The following CDH23 variants were observed in gnomAD, a reference collection of about 807,000 sequenced individuals.
CDH23 encodes the protein cadherin related 23, also known as cadherin-23.
Under a neutral mutation model 317.1 loss-of-function variants are expected in CDH23, and 189 were observed. The ratio of observed to expected loss-of-function variants is 0.60; its 90% CI spans 0.53 to 0.67. The LOEUF (loss-of-function observed/expected upper bound fraction) is 0.67. CDH23 is among the 30% of genes least tolerant of loss of function. The pLI is 0.00. For missense variants in CDH23, 4,401 were observed against 4,592.4 expected (o/e 0.96, Z 1.20); for synonymous variants, 1,839 against 1,876.8 (o/e 0.98, Z 0.52).
At chr10:71,725,275 G>A in intron 29 of CDH23, 97 bp from the exon 30 acceptor site, 1 of 1,566,288 alleles carries the variant, frequency 6.4e-7, no homozygotes. Flanking sequence ...TCACAAGGAG[G>A]GGACTGGTGA....
At chr10:71,556,210 C>A (rs777461438) in intron 6 of CDH23, among the ~76,000 whole-genome samples, 1 of 152,036 alleles carries the variant, frequency 6.6e-6, no homozygotes, top group Non-Finnish European at 1.5e-5. Context: ...GGAGACTTTG[C>A]CTTGGAGCAG....
At chr10:71,475,956 G>A (rs1354070939) in intron 3 of CDH23, among the ~76,000 whole-genome samples, 2 of 152,216 alleles carry the variant, frequency 1.3e-5, no homozygotes, top group Non-Finnish European at 2.9e-5. Flanking sequence ...CTGGGCCTCA[G>A]TTTCCACTCT....
intron 7 of CDH23, 89 bp from the exon 8 acceptor site, chr10:71,570,701 G>T (rs148524176): frequency 5.5e-6 from 8 of 1,453,094 alleles, no homozygotes; most frequent in Admixed American, 2.1e-5. Context: ...TGTGCTGCAC[G>T]GTGCAGGTCT....
intron 9 of CDH23, among the ~76,000 whole-genome samples, chr10:71,585,267 G>A (rs992347963): frequency 1.3e-5 from 2 of 152,168 alleles, no homozygotes; most frequent in Non-Finnish European, 2.9e-5. Context: ...TGGTGGCCTA[G>A]GCAGAAAGGG....
chr10:71,791,195 A>C lies in CDH23; in HGVS notation c.6113A>C (p.Glu2038Ala). The change falls in exon 47 of 70, where the codon GAG becomes GCG. Residue 2038 changes from glutamate to alanine, a missense_variant. By Grantham distance (107) the Glu-to-Ala change is moderately radical (BLOSUM62 -1). Coordinates refer to ENST00000224721, the MANE Select transcript of CDH23 (RefSeq NM_022124.6). ...GAGGCATTCTCGCCACCCATCCTGG[A>C]GCTGCTGCTGCTGGCTGAGGACATC... ...DREAFSPPIL[E>A]LLLLAEDIGL... The C allele has an allele frequency of 6.2e-7, 1 of 1,612,308 alleles. No individual in the cohort carries two copies. The highest frequency in any genetic ancestry group is 8.5e-7 in the Non-Finnish European group (1 of 1,178,800).
At chr10:71,587,116 G>A (rs1859126654) in intron 9 of CDH23, among the ~76,000 whole-genome samples, 1 of 152,242 alleles carries the variant, frequency 6.6e-6, no homozygotes, top group Non-Finnish European at 1.5e-5. Flanking sequence ...AACAGATGAG[G>A]AAGCTAAGAC....
At chr10:71,532,753 G>A (rs1855473774) in intron 6 of CDH23, among the ~76,000 whole-genome samples, 1 of 133,510 alleles carries the variant, frequency 7.5e-6, no homozygotes, top group African/African-American at 2.8e-5. Flanking sequence ...TTTTTGAGAC[G>A]GAGTATCACT....
intron 38 of CDH23, among the ~76,000 whole-genome samples, chr10:71,777,130 C>T (rs561223428): frequency 6.5e-4 from 99 of 152,320 alleles, no homozygotes; most frequent in Non-Finnish European, 1.1e-3. Context: ...GTTCTGCCCA[C>T]GAAATTGCCA....
At chr10:71,646,994 G>A in intron 14 of CDH23, 6 of 985,336 alleles carry the variant, frequency 6.1e-6, no homozygotes, top group Non-Finnish European at 7.2e-6. Context: ...AGGCACCAGA[G>A]AGGGGCAGGC....
intron 3 of CDH23, among the ~76,000 whole-genome samples, chr10:71,465,265 G>A (rs572556567): frequency 6.6e-6 from 1 of 152,240 alleles, no homozygotes; most frequent in Non-Finnish European, 1.5e-5. Flanking sequence ...CTGGTATAGA[G>A]TTGTATTTTA....
chr10:71,802,017 C>T (rs377051035), intron 53 of CDH23, among the ~76,000 whole-genome samples: 7 of 152,218 alleles, frequency 4.6e-5, no homozygotes, highest in East Asian at 3.8e-4. Context: ...TTTAAAGTCA[C>T]GGCTGCTGGC....
intron 11 of CDH23, among the ~76,000 whole-genome samples, chr10:71,642,795 C>G (rs1862624327): frequency 6.6e-6 from 1 of 152,128 alleles, no homozygotes; most frequent in Non-Finnish European, 1.5e-5. Flanking sequence ...ACTGGAGGGG[C>G]TGGAGGGGCC....
intron 14 of CDH23, among the ~76,000 whole-genome samples, chr10:71,667,882 A>G (rs1189126153): frequency 6.6e-6 from 1 of 152,058 alleles, no homozygotes; most frequent in African/African-American, 2.4e-5. Context: ...AATGCACAAG[A>G]TGAAGGGGGA....
At chr10:71,462,287 G>A (rs1376313642) in intron 3 of CDH23, among the ~76,000 whole-genome samples, 3 of 152,210 alleles carry the variant, frequency 2.0e-5, no homozygotes, top group Non-Finnish European at 4.4e-5. Context: ...TACTCCTGAC[G>A]GCCTTCATTA....
chr10:71,416,757 TC>T (rs1848551284), intron 1 of CDH23, among the ~76,000 whole-genome samples: 1 of 152,064 alleles, frequency 6.6e-6, no homozygotes, highest in African/African-American at 2.4e-5. Flanking sequence ...AACCTTGAAC[TC>T]CTGGGCTCAA....
At chr10:71,508,448 C>G (rs1853765719) in intron 3 of CDH23, 1 of 152,178 alleles carries the variant, frequency 6.6e-6, no homozygotes, top group African/African-American at 2.4e-5. Context: ...TCTTTGTTGC[C>G]TTATCCGTTA....
chr10:71,680,826 TTTC>T (rs1864606378), intron 17 of CDH23, among the ~76,000 whole-genome samples: 2 of 111,594 alleles, frequency 1.8e-5, no homozygotes, highest in Non-Finnish European at 4.2e-5. Context: ...TTTTTTTCTT[TTTC>T]TTTTTTTTTT....
At chr10:71,643,124 A>G (rs898980879) in intron 11 of CDH23, among the ~76,000 whole-genome samples, 1 of 152,230 alleles carries the variant, frequency 6.6e-6, no homozygotes, top group Non-Finnish European at 1.5e-5. Context: ...TTATGGACCA[A>G]TCACCAAGAT....
chr10:71,638,093 C>A (rs963727987), intron 11 of CDH23, among the ~76,000 whole-genome samples: 1 of 152,124 alleles, frequency 6.6e-6, no homozygotes, highest in African/African-American at 2.4e-5. Flanking sequence ...TTACAAAACA[C>A]GGGGGAGCAG....
Sources: allele counts gnomAD v4.1 joint callset (sites outside exome capture counted in the v4.1 genomes callset), GRCh38; gene constraint gnomAD v4.1.1; transcripts MANE v1.5; gene names NCBI Gene and HGNC (gene_info 2026-07-23, HGNC 2026-07-21).